The following MAP3K19 variants were observed in gnomAD, a reference collection of about 807,000 sequenced individuals.
MAP3K19 encodes the protein mitogen-activated protein kinase kinase kinase 19.
MAP3K19 carries 91 observed loss-of-function variants against 114.4 expected under a neutral mutation model. The ratio of observed to expected loss-of-function variants is 0.80; its 90% CI spans 0.67 to 0.95. The LOEUF (loss-of-function observed/expected upper bound fraction) is 0.95, where lower values mean the gene tolerates loss of function less well. Among genes scored for constraint, MAP3K19 ranks in the 40% least tolerant of loss-of-function variants. MAP3K19 has a pLI of 0.00. For missense variants in MAP3K19, 1,471 were observed against 1,573.2 expected (o/e 0.94, Z 1.10); for synonymous variants, 518 against 530.5 (o/e 0.98, Z 0.32).
At chr2:135,001,355 T>A (rs961609126) in intron 6 of MAP3K19, among the ~76,000 whole-genome samples, 8 of 152,244 alleles carry the variant, frequency 5.3e-5, no homozygotes, top group Admixed American at 5.2e-4. Flanking sequence ...TTCCCTGGAA[T>A]AGTCCATTGT....
chr2:135,022,416 A>G (rs1688043760), intron 4 of MAP3K19, among the ~76,000 whole-genome samples: 1 of 152,198 alleles, frequency 6.6e-6, no homozygotes, highest in Non-Finnish European at 1.5e-5. Context: ...AGGATGACCC[A>G]TCATTACAGA....
chr2:135,043,204 TGGGCA>T (rs1229144279), intron 1 of MAP3K19, among the ~76,000 whole-genome samples: 1 of 152,164 alleles, frequency 6.6e-6, no homozygotes, highest in Non-Finnish European at 1.5e-5. Flanking sequence ...GACCCACTAC[TGGGCA>T]GGTGATTCCT....
chr2:134,976,150 A>G (rs1230092736), intron 12 of MAP3K19, among the ~76,000 whole-genome samples: 1 of 152,138 alleles, frequency 6.6e-6, no homozygotes, highest in Non-Finnish European at 1.5e-5. Flanking sequence ...GGTTCCAAGG[A>G]TATGGAGTTG....
Position 134,987,806 on chromosome 2 carries a change from T to A in MAP3K19, c.1066A>T (p.Thr356Ser). The change falls in exon 10 of 13, where the codon ACG becomes TCG. Residue 356 changes from threonine (T) to serine (S), a missense_variant. Physicochemically the swap from Thr to Ser is moderately conservative, Grantham distance 58. Coordinates refer to ENST00000392915, the MANE Select transcript of MAP3K19 (RefSeq NM_025052.5). ...EEDIDCHGSK[T>S]RKPEEENSQY... is the part of the protein sequence containing the mutation. ...GAGTTCTCTTCTTCAGGTTTTCGCG[T>A]TTTACTACCATGGCAGTCAATATCC... 6.2e-7 allele frequency: 1 copy of A among 1,607,880 alleles called. No homozygotes were observed. Among genetic ancestry groups the A allele is most frequent in the Non-Finnish European group, 8.5e-7 (1 of 1,180,002 alleles).
At chr2:134,975,659 G>A (rs941187510) in intron 12 of MAP3K19, among the ~76,000 whole-genome samples, 1 of 152,170 alleles carries the variant, frequency 6.6e-6, no homozygotes, top group South Asian at 2.1e-4. Context: ...CAGAGTTGCC[G>A]TCAGTGGCAG....
intron 12 of MAP3K19, among the ~76,000 whole-genome samples, chr2:134,968,614 G>C (rs1251280529): frequency 2.0e-5 from 3 of 150,646 alleles, no homozygotes; most frequent in African/African-American, 7.4e-5. Flanking sequence ...CCAGGCAGAG[G>C]GTCTCCTCAC....
chr2:135,000,046 A>G (rs757282718), intron 6 of MAP3K19, 31 bp from the exon 7 acceptor site: 3 of 1,415,576 alleles, frequency 2.1e-6, no homozygotes, highest in Non-Finnish European at 3.0e-6. Flanking sequence ...AGTAGAAGGA[A>G]GAAAGTAATG....
rs923061241 is a variant in MAP3K19 at position 135,024,734 on chromosome 2, T to C, written c.-87A>G. On this transcript the variant is annotated 5_prime_UTR_variant, in exon 4 of 13. It removes the in-frame stop codon of an upstream open reading frame in the 5' UTR. Transcript: ENST00000392915. Reference sequence around the variant, plus strand: ...GATTTTCCACTAAAATCACAAAGTTTAGGATCTCTAGGAAGAACAGAATCA... The same window carrying C: ...GATTTTCCACTAAAATCACAAAGTTCAGGATCTCTAGGAAGAACAGAATCA... 3.6e-6 allele frequency: 4 copies of C among 1,115,758 alleles called. No homozygotes were observed. In the African/African-American group the frequency reaches 6.2e-5, roughly 17 times the overall value. The allele number at this position is 1,115,758 out of a possible 1,614,324, so 69.1% of individuals were successfully genotyped here. A position where few individuals can be genotyped will look rare whatever the true frequency, so the allele number is the denominator to read the frequency against.
chr2:135,006,967 C>T (rs1222301249), intron 5 of MAP3K19, among the ~76,000 whole-genome samples: 3 of 152,018 alleles, frequency 2.0e-5, no homozygotes, highest in Non-Finnish European at 4.4e-5. Flanking sequence ...TGCTTGAGGC[C>T]AGCCTGGACA....
intron 3 of MAP3K19, among the ~76,000 whole-genome samples, chr2:135,026,906 G>C (rs538777166): frequency 2.6e-5 from 4 of 152,252 alleles, no homozygotes; most frequent in Admixed American, 2.0e-4. Flanking sequence ...GCAAATTTTA[G>C]AAACTGCACA....
intron 6 of MAP3K19, among the ~76,000 whole-genome samples, chr2:135,003,542 G>GTGTTTGTTTGTT (rs10692556): frequency 1.4e-3 from 209 of 151,572 alleles, no homozygotes; most frequent in African/African-American, 2.5e-3. Context: ...TGAGAAAATA[G>GTGTTTGTTTGTT]TGTTTGTTTG....
chr2:135,038,310 T>A (rs1214646627), intron 2 of MAP3K19, among the ~76,000 whole-genome samples: 1 of 151,936 alleles, frequency 6.6e-6, no homozygotes, highest in East Asian at 1.9e-4. Context: ...TATTTATGTA[T>A]GTATGTATAT....
chr2:134,981,346 T>C lies in MAP3K19; in HGVS notation c.3395A>G (p.Gln1132Arg), dbSNP rs748517904. 2 of 1,614,216 alleles carry C rather than the reference T, an allele frequency of 1.2e-6. No homozygotes were observed. Among genetic ancestry groups the C allele is most frequent in the East Asian group, 2.2e-5 (1 of 44,882 alleles). ...CATGAAAATGCTCACAGTGTTCTCT[T>C]GCAAGCATGTCCCCAAATAGGCCAC... ...NIVAYLGTCL[Q>R]ENTVSIFMEF... is the part of the protein sequence containing the mutation. The change falls in exon 12 of 13, where the codon CAA becomes CGA. Residue 1132 changes from glutamine to arginine, a missense_variant. Gln to Arg is a conservative substitution (Grantham distance 43, BLOSUM62 1). Coordinates refer to ENST00000392915, the MANE Select transcript of MAP3K19 (RefSeq NM_025052.5).
intron 10 of MAP3K19, among the ~76,000 whole-genome samples, chr2:134,984,292 C>T (rs1340608948): frequency 1.3e-5 from 2 of 152,110 alleles, no homozygotes; most frequent in Admixed American, 1.3e-4. Context: ...GCTGGACACA[C>T]ACATAGAGAC....
At chr2:134,996,274 T>C in intron 8 of MAP3K19, among the ~76,000 whole-genome samples, 1 of 76,198 alleles carries the variant, frequency 1.3e-5, no homozygotes, top group South Asian at 6.6e-4. Flanking sequence ...CTTATTTCTT[T>C]TTTTTTTTTT....
Position 134,986,804 on chromosome 2 carries a change from A to C in MAP3K19, c.2068T>G (p.Ser690Ala), listed in dbSNP as rs1382058256. 3 of 1,614,172 alleles carry C rather than the reference A, an allele frequency of 1.9e-6. No homozygotes were observed. In the Admixed American group the frequency reaches 5.0e-5, roughly 27 times the overall value. Residue 690 changes from serine (S) to alanine (A), a missense_variant, in exon 10 of 13, where the codon TCG becomes GCG. Physicochemically the swap from Ser to Ala is moderately conservative, Grantham distance 99. Transcript: ENST00000392915. ...GTGATACGTCTGCCTGATGGAGCCG[A>C]ACATATCTCACGGTAATACGTGTTT... ...DENTYYREIC[S>A]APSGRRITNK... is the part of the protein sequence containing the mutation.
At chr2:135,023,669 T>C in intron 4 of MAP3K19, 1 of 439,846 alleles carries the variant, frequency 2.3e-6, no homozygotes. Flanking sequence ...TCTTTCACAA[T>C]GTCTCCTAGA....
At chr2:135,027,059 A>C (rs867930456) in intron 3 of MAP3K19, among the ~76,000 whole-genome samples, 3 of 152,292 alleles carry the variant, frequency 2.0e-5, no homozygotes, top group South Asian at 4.1e-4. Context: ...CAGCATGGGC[A>C]ATATAGTGGG....
chr2:135,012,337 C>T (rs1027174640), intron 5 of MAP3K19, among the ~76,000 whole-genome samples: 2 of 152,058 alleles, frequency 1.3e-5, no homozygotes, highest in South Asian at 2.1e-4. Context: ...GGGAGGTGGG[C>T]GCTGGGAATC....
Sources: allele counts gnomAD v4.1 joint callset (sites outside exome capture counted in the v4.1 genomes callset), GRCh38; gene constraint gnomAD v4.1.1; transcripts MANE v1.5; gene names NCBI Gene and HGNC (gene_info 2026-07-23, HGNC 2026-07-21).